SDK1: variants seen among roughly 807,000 people sequenced by gnomAD.
SDK1 encodes the protein sidekick cell adhesion molecule 1.
A neutral mutation model predicts 245.5 loss-of-function variants in SDK1; 157 were observed. That is an observed-to-expected ratio of 0.64 (90% CI 0.56 to 0.73). SDK1 has a LOEUF of 0.73. SDK1 is among the 30% of genes least tolerant of loss of function. SDK1 has a pLI of 0.00. For synonymous variants in SDK1, 1,647 were observed against 1,278.5 expected (o/e 1.29, Z -6.15); for missense variants, 3,583 against 3,002.3 (o/e 1.19, Z -4.52).
chr7:3,737,105 C>G (rs10231932), intron 4 of SDK1, among the ~76,000 whole-genome samples: 2,297 of 152,292 alleles, frequency 0.015, 48 homozygotes, highest in African/African-American at 0.049. Flanking sequence ...TCTTTCTTTC[C>G]TTATGGCGGA....
intron 1 of SDK1, among the ~76,000 whole-genome samples, chr7:3,548,582 T>C (rs11976644): frequency 6.6e-6 from 1 of 152,234 alleles, no homozygotes; most frequent in Non-Finnish European, 1.5e-5. Context: ...TTATTTTCTT[T>C]TTAACACATT....
At chr7:3,824,356 A>G (rs1281458216) in intron 5 of SDK1, among the ~76,000 whole-genome samples, 5 of 152,220 alleles carry the variant, frequency 3.3e-5, no homozygotes. Flanking sequence ...ATTACAGCCA[A>G]TTATCATTTA....
chr7:3,372,058 T>C (rs1490254428), intron 1 of SDK1, among the ~76,000 whole-genome samples: 1 of 152,184 alleles, frequency 6.6e-6, no homozygotes, highest in African/African-American at 2.4e-5. Context: ...TAACATACAG[T>C]TTACAGGCTA....
In SDK1 at chr7:3,562,911, C is replaced by G. The variant is rs112163297; in HGVS notation, c.299-56169C>G. Among the ~76,000 whole-genome samples, 6 of 35,682 alleles carry G rather than the reference C, an allele frequency of 1.7e-4. 1 individual carries two copies. Among genetic ancestry groups the G allele is most frequent in the African/African-American group, 7.9e-4 (5 of 6,294 alleles). The allele number at this position is 35,682 out of a possible 152,430, so 23.4% of individuals were successfully genotyped here. ...AGGGAAGCAAATACACGGGCAGCTA[C>G]AAGAGATAGGGGAGGTAAGGGGGAT... On this transcript the variant is annotated intron_variant, in intron 1 of 44. Coordinates refer to ENST00000404826, the MANE Select transcript of SDK1 (RefSeq NM_152744.4).
chr7:3,693,978 C>G (rs1784505133), intron 4 of SDK1, among the ~76,000 whole-genome samples: 1 of 152,194 alleles, frequency 6.6e-6, no homozygotes, highest in African/African-American at 2.4e-5. Flanking sequence ...ACTCGTCCCA[C>G]CTGCATGTGA....
intron 4 of SDK1, among the ~76,000 whole-genome samples, chr7:3,712,256 C>T (rs924405697): frequency 6.6e-6 from 1 of 152,136 alleles, no homozygotes; most frequent in Non-Finnish European, 1.5e-5. Flanking sequence ...ATATGATTCT[C>T]ATAGGACCGT....
intron 42 of SDK1, 31 bp from the exon 43 acceptor site, chr7:4,241,762 C>T (rs768520128): frequency 1.9e-6 from 3 of 1,613,528 alleles, no homozygotes; most frequent in South Asian, 1.1e-5. Context: ...ACCAGTAACA[C>T]GTCTGTTCTC....
At chr7:3,762,486 G>A (rs543778857) in intron 4 of SDK1, among the ~76,000 whole-genome samples, 51 of 152,200 alleles carry the variant, frequency 3.4e-4, no homozygotes, top group Non-Finnish European at 6.0e-4. Flanking sequence ...TATTTTTGTG[G>A]TATTTTTAAC....
chr7:3,553,941 A>G (rs1779503801), intron 1 of SDK1, among the ~76,000 whole-genome samples: 1 of 152,212 alleles, frequency 6.6e-6, no homozygotes. Flanking sequence ...CAGACAAATG[A>G]AGCGGGCACA....
At chr7:4,251,906 T>C (rs1787325746) in intron 44 of SDK1, among the ~76,000 whole-genome samples, 1 of 152,232 alleles carries the variant, frequency 6.6e-6, no homozygotes, top group South Asian at 2.1e-4. Flanking sequence ...TCGAAAGGTT[T>C]GGAGTTTTGT....
At chr7:3,670,471 A>G (rs1000080540) in intron 4 of SDK1, among the ~76,000 whole-genome samples, 1 of 152,170 alleles carries the variant, frequency 6.6e-6, no homozygotes, top group Non-Finnish European at 1.5e-5. Flanking sequence ...AACTTTTATT[A>G]ATGGACAAGT....
intron 4 of SDK1, among the ~76,000 whole-genome samples, chr7:3,775,421 T>TA (rs1780523322): frequency 6.6e-6 from 1 of 151,992 alleles, no homozygotes; most frequent in African/African-American, 2.4e-5. Context: ...AAAGCCTTTT[T>TA]TTTTATTTTA....
intron 1 of SDK1, among the ~76,000 whole-genome samples, chr7:3,342,899 T>C (rs897505298): frequency 6.6e-6 from 1 of 151,996 alleles, no homozygotes; most frequent in Admixed American, 6.6e-5. Flanking sequence ...AAAGAGGATA[T>C]TTAAGTGGCA....
intron 1 of SDK1, among the ~76,000 whole-genome samples, chr7:3,435,032 C>A (rs192199834): frequency 1.3e-5 from 2 of 152,166 alleles, no homozygotes; most frequent in East Asian, 3.8e-4. Flanking sequence ...TAATAAGATA[C>A]AAAGTTATAT....
intron 4 of SDK1, among the ~76,000 whole-genome samples, chr7:3,654,177 G>C (rs560400138): frequency 1.3e-5 from 2 of 152,264 alleles, no homozygotes; most frequent in East Asian, 3.9e-4. Flanking sequence ...ATGTCACACT[G>C]CTCCTCCAAA....
chr7:4,012,378 G>C (rs934867550), intron 16 of SDK1, 143 bp downstream of exon 16: 1 of 886,278 alleles, frequency 1.1e-6, no homozygotes. Context: ...GGGAGTGGTG[G>C]AGACTGTGGC....
chr7:3,383,956 A>G (rs935367854), intron 1 of SDK1, among the ~76,000 whole-genome samples: 6 of 152,244 alleles, frequency 3.9e-5, no homozygotes, highest in Admixed American at 2.0e-4. Flanking sequence ...AATATAAGAC[A>G]TTAAAACATT....
intron 1 of SDK1, among the ~76,000 whole-genome samples, chr7:3,383,269 G>C (rs150097708): frequency 2.0e-5 from 3 of 152,198 alleles, no homozygotes; most frequent in Non-Finnish European, 4.4e-5. Context: ...AAATTAGCCT[G>C]GTGTGGTGGC....
At chr7:3,467,560 A>G (rs1781047182) in intron 1 of SDK1, among the ~76,000 whole-genome samples, 1 of 152,000 alleles carries the variant, frequency 6.6e-6, no homozygotes, top group Non-Finnish European at 1.5e-5. Context: ...ATATTTAATA[A>G]TTATAGTAAA....
Sources: gnomAD v4.1 joint callset for allele counts (sites outside exome capture counted in the v4.1 genomes callset) on GRCh38, gnomAD v4.1.1 for gene constraint, MANE v1.5 for transcripts, NCBI Gene and HGNC (gene_info 2026-07-23, HGNC 2026-07-21) for gene names.